KHDC1: variants seen among roughly 807,000 people sequenced by gnomAD.
KHDC1 encodes the protein KH domain containing 1.
Under a neutral mutation model 24.7 loss-of-function variants are expected in KHDC1, and 21 were observed. The observed-to-expected ratio is 0.85, with a 90% CI of 0.60 to 1.23. The LOEUF (loss-of-function observed/expected upper bound fraction) is 1.23. Among genes scored for constraint, KHDC1 ranks in the 50% most tolerant of loss-of-function variants. The pLI is 0.00. For synonymous variants in KHDC1, 98 were observed against 111.7 expected (o/e 0.88, Z 0.77); for missense variants, 274 against 298.5 (o/e 0.92, Z 0.61).
At chr6:73,295,335 C>T (rs1249190233) in intron 1 of KHDC1, among the ~76,000 whole-genome samples, 1 of 152,174 alleles carries the variant, frequency 6.6e-6, no homozygotes, top group Non-Finnish European at 1.5e-5. Flanking sequence ...GACTCGAGAG[C>T]CAATTAGACC....
In KHDC1 at chr6:73,249,493, G is replaced by A. The variant is rs181282507; in HGVS notation, c.207-6963C>T. On this transcript the variant is annotated intron_variant, in intron 2 of 4. Transcript: ENST00000370384. ...GTGTGCAGTGAGTTGTCTAATGCTA[G>A]TTATGCACAATCTTGGTAACCTCAT... Among the ~76,000 whole-genome samples the A allele has an allele frequency of 3.9e-5, 6 of 152,296 alleles. No homozygotes were observed. In the East Asian group the frequency reaches 1.2e-3, roughly 29 times the overall value.
At chr6:73,308,500 C>T (rs1010887144) in intron 1 of KHDC1, among the ~76,000 whole-genome samples, 36 of 151,528 alleles carry the variant, frequency 2.4e-4, no homozygotes, top group Non-Finnish European at 4.1e-4. Flanking sequence ...AGTGAACCAC[C>T]GCGTCCGGCT....
chr6:73,292,531 A>G (rs1297973390), intron 1 of KHDC1: 3 of 768,992 alleles, frequency 3.9e-6, no homozygotes, highest in South Asian at 1.3e-5. Flanking sequence ...AAGACCTTAC[A>G]TGGTTAAAAG....
At chr6:73,282,685 G>C (rs1767436736) in intron 2 of KHDC1, among the ~76,000 whole-genome samples, 1 of 152,078 alleles carries the variant, frequency 6.6e-6, no homozygotes, top group African/African-American at 2.4e-5. Context: ...GCACTTGATG[G>C]ATCAGCTGGC....
chr6:73,292,770 A>T lies in KHDC1; in HGVS notation c.164-730T>A, dbSNP rs370060297. ...CGAAAACGTTGGCAGGTGCTAAAAG[A>T]TCTAGGTAAAGTTACTCAACAGGAG... On this transcript the variant is annotated intron_variant, in intron 1 of 4. Coordinates refer to ENST00000370384, the Ensembl canonical transcript of KHDC1. 33 of 722,760 alleles carry T rather than the reference A, an allele frequency of 4.6e-5. No individual in the cohort carries two copies. In the African/African-American group the frequency reaches 5.4e-4, roughly 12 times the overall value. 44.8% of individuals were successfully genotyped at this position (722,760 alleles called of 1,614,324 possible).
At chr6:73,294,988 T>C (rs1197247404) in intron 1 of KHDC1, among the ~76,000 whole-genome samples, 2 of 151,994 alleles carry the variant, frequency 1.3e-5, no homozygotes, top group East Asian at 1.9e-4. Context: ...ACCCTGTCTC[T>C]CTGAAAAATA....
At chr6:73,303,991 C>T (rs1209023959) in intron 1 of KHDC1, among the ~76,000 whole-genome samples, 2 of 152,060 alleles carry the variant, frequency 1.3e-5, no homozygotes, top group East Asian at 3.9e-4. Context: ...CCAGCCTGGC[C>T]AACGTGGGGA....
At chr6:73,288,058 C>T (rs2168113) in intron 2 of KHDC1, among the ~76,000 whole-genome samples, 35,761 of 152,112 alleles carry the variant, frequency 0.24, 4,890 homozygotes, top group African/African-American at 0.37. Context: ...CAGAAGCTAG[C>T]GGCACCCTTA....
intron 2 of KHDC1, among the ~76,000 whole-genome samples, chr6:73,262,048 CA>C (rs550677761): frequency 1.3e-5 from 2 of 151,826 alleles, no homozygotes; most frequent in Non-Finnish European, 2.9e-5. Flanking sequence ...CACAGCCCTC[CA>C]GCCTAGGCAG....
At chr6:73,255,674 G>C (rs1766867672) in intron 2 of KHDC1, among the ~76,000 whole-genome samples, 1 of 150,138 alleles carries the variant, frequency 6.7e-6, no homozygotes, top group Non-Finnish European at 1.5e-5. Flanking sequence ...GGCCGAGGTG[G>C]GCAGATCACC....
chr6:73,306,738 G>A (rs2150757637), intron 1 of KHDC1, among the ~76,000 whole-genome samples: 1 of 152,338 alleles, frequency 6.6e-6, no homozygotes, highest in East Asian at 1.9e-4. Context: ...GCTGGGCGTG[G>A]TGGCTCATGC....
intron 2 of KHDC1, chr6:73,268,085 T>G: frequency 3.4e-5 from 1 of 29,380 alleles, no homozygotes; most frequent in South Asian, 1.3e-3. Context: ...CTCACTGACT[T>G]CGAGAATGAA....
chr6:73,294,265 A>G (rs544295626), intron 1 of KHDC1, among the ~76,000 whole-genome samples: 50 of 152,328 alleles, frequency 3.3e-4, no homozygotes, highest in Admixed American at 3.3e-4. Flanking sequence ...CAGCATAAAC[A>G]GCATAAAGAA....
rs1283532949 is a variant in KHDC1, at chr6:73,263,247, A to G, written c.207-20717T>C. ...GGCTGCGGCGCGGGAAGCAACCCAG[A>G]GCCCTCCTCCCGCCTGCTCTGTGTA... On this transcript the variant is annotated intron_variant, in intron 2 of 4. Transcript: ENST00000370384. 7 of 986,284 alleles carry G rather than the reference A, an allele frequency of 7.1e-6. No homozygotes were observed. The East Asian group carries it at 6.8e-4, about 96-fold the overall frequency. 61.1% of individuals were successfully genotyped at this position (986,284 alleles called of 1,614,324 possible).
At chr6:73,242,003 G>T in intron 4 of KHDC1, 52 bp downstream of exon 3, 1 of 1,552,804 alleles carries the variant, frequency 6.4e-7, no homozygotes, top group South Asian at 1.2e-5. Context: ...ACACAACTTA[G>T]CCAGAACTCC....
At chr6:73,256,864 C>T (rs540028987) in intron 2 of KHDC1, among the ~76,000 whole-genome samples, 6 of 152,328 alleles carry the variant, frequency 3.9e-5, no homozygotes, top group Admixed American at 3.3e-4. Context: ...ATTCTACTAA[C>T]GCATGGGCTT....
intron 1 of KHDC1, among the ~76,000 whole-genome samples, chr6:73,306,752 CA>C (rs1324975189): frequency 2.0e-5 from 3 of 151,932 alleles, no homozygotes; most frequent in Non-Finnish European, 4.4e-5. Context: ...CTCATGCCTG[CA>C]ATCCCAACAC....
chr6:73,267,554 C>G (rs1490270674), intron 2 of KHDC1, among the ~76,000 whole-genome samples: 2 of 151,954 alleles, frequency 1.3e-5, no homozygotes, highest in African/African-American at 4.8e-5. Context: ...AAATTTGAAC[C>G]CTTGTTATTA....
intron 2 of KHDC1, among the ~76,000 whole-genome samples, chr6:73,252,424 A>G (rs1766798136): frequency 6.6e-6 from 1 of 152,176 alleles, no homozygotes. Flanking sequence ...TAGCTCTTCT[A>G]GTAATTTAGA....
Sources: allele counts gnomAD v4.1 joint callset (sites outside exome capture counted in the v4.1 genomes callset), GRCh38; gene constraint gnomAD v4.1.1; transcripts MANE v1.5; gene names NCBI Gene and HGNC (gene_info 2026-07-23, HGNC 2026-07-21).